The following CHN1 variants were observed in gnomAD, a reference collection of about 807,000 sequenced individuals.
The protein encoded by CHN1 is chimerin 1, also known as N-chimaerin.
In CHN1, 37 loss-of-function variants were observed where a neutral mutation model predicts 59.5. The ratio of observed to expected loss-of-function variants is 0.62; its 90% CI spans 0.48 to 0.82. CHN1 has a LOEUF of 0.82. Among genes scored for constraint, CHN1 ranks in the 40% least tolerant of loss-of-function variants. The pLI is 0.00. For synonymous variants in CHN1, 206 were observed against 200.4 expected, an observed-to-expected ratio of 1.03 and a Z score of -0.24; for missense variants, 469 against 571.0, an observed-to-expected ratio of 0.82 and a Z score of 1.82.
At chr2:174,805,759 A>G (rs1208661869) in intron 11 of CHN1, among the ~76,000 whole-genome samples, 1 of 152,208 alleles carries the variant, frequency 6.6e-6, no homozygotes, top group Non-Finnish European at 1.5e-5. Flanking sequence ...ACACAGAGAA[A>G]CTTGAATACA....
At position 174,799,086 on chromosome 2, in the gene CHN1, G is replaced by A. The variant is rs1165470410; in HGVS notation, c.*1030C>T. On this transcript the variant is annotated 3_prime_UTR_variant, in exon 13 of 13. Coordinates refer to ENST00000409900, the MANE Select transcript of CHN1 (RefSeq NM_001822.7). ...GTCATATATTTTTGACAAATCAAAT[G>A]TTTAGAAGAAGTTACTCTTTTTAGT... Among the ~76,000 whole-genome samples, 8 of 152,224 alleles carry A rather than the reference G, an allele frequency of 5.3e-5. No individual in the cohort carries two copies. The highest frequency in any genetic ancestry group is 8.8e-5 in the Non-Finnish European group (6 of 68,036).
intron 3 of CHN1, among the ~76,000 whole-genome samples, chr2:174,943,907 T>C (rs1187521022): frequency 6.6e-6 from 1 of 152,206 alleles, no homozygotes; most frequent in Non-Finnish European, 1.5e-5. Context: ...TCTTCTCACC[T>C]GTGCCTAGCT....
At chr2:174,946,247 CAATG>C (rs1454659536) in intron 2 of CHN1, among the ~76,000 whole-genome samples, 3 of 152,038 alleles carry the variant, frequency 2.0e-5, no homozygotes, top group African/African-American at 7.2e-5. Flanking sequence ...AGTAAATGCT[CAATG>C]AAGACTACTT....
chr2:174,812,231 A>G lies in CHN1; in HGVS notation c.886+78T>C, dbSNP rs557572824. 40 of 1,256,148 alleles carry G rather than the reference A, an allele frequency of 3.2e-5. No individual in the cohort carries two copies. In the South Asian group the frequency reaches 5.9e-4, roughly 18 times the overall value. 77.8% of individuals were successfully genotyped at this position (1,256,148 alleles called of 1,614,324 possible). A position where few individuals can be genotyped will look rare whatever the true frequency, so the allele number is the denominator to read the frequency against. ...TTACAGAAGACAACCGTATTGTGCA[A>G]TGAGGTACCCAAAAGGCATCAGGAT... is the stretch of plus-strand genomic sequence containing the variant. On this transcript the variant is annotated intron_variant, in intron 9 of 12. Coordinates refer to ENST00000409900, the MANE Select transcript of CHN1 (RefSeq NM_001822.7).
chr2:174,924,132 CCTTT>C (rs1381643202), intron 3 of CHN1, among the ~76,000 whole-genome samples: 1 of 152,144 alleles, frequency 6.6e-6, no homozygotes, highest in Non-Finnish European at 1.5e-5. Context: ...CTGTACTCCT[CCTTT>C]CTGTCTAAAA....
chr2:174,918,501 T>G, intron 4 of CHN1, 33 bp downstream of exon 4: 1 of 1,527,874 alleles, frequency 6.5e-7, no homozygotes, highest in Non-Finnish European at 8.9e-7. Flanking sequence ...CATATGCCAA[T>G]CTATAAAACG....
intron 6 of CHN1, among the ~76,000 whole-genome samples, chr2:174,875,075 T>C (rs1478977470): frequency 6.6e-6 from 1 of 151,956 alleles, no homozygotes; most frequent in Non-Finnish European, 1.5e-5. Context: ...GGTTTCACCA[T>C]GTTGGCCAGG....
chr2:174,913,487 C>T (rs941969743), intron 5 of CHN1, among the ~76,000 whole-genome samples: 1 of 152,064 alleles, frequency 6.6e-6, no homozygotes, highest in Non-Finnish European at 1.5e-5. Flanking sequence ...TCTTCTAATT[C>T]AATTAATGGT....
rs1291391513 is a variant in CHN1, at chr2:175,005,198, G to T, written c.-286C>A. 8.1e-7 allele frequency: 1 copy of T among 1,235,546 alleles called. No homozygotes were observed. 76.5% of individuals were successfully genotyped at this position (1,235,546 alleles called of 1,614,324 possible). A position where few individuals can be genotyped will look rare whatever the true frequency, so the allele number is the denominator to read the frequency against. On this transcript the variant is annotated 5_prime_UTR_variant, in exon 1 of 13. Coordinates refer to ENST00000409900, the MANE Select transcript of CHN1 (RefSeq NM_001822.7). ...TCAGGCGCGGAGCGTGCGCGCGGGA[G>T]GAGGTACCTGCGAGGCAGGAGGCTT...
intron 7 of CHN1, among the ~76,000 whole-genome samples, chr2:174,830,955 GA>G (rs1685860124): frequency 1.3e-5 from 2 of 152,144 alleles, no homozygotes; most frequent in Non-Finnish European, 2.9e-5. Flanking sequence ...TCAAAATTGA[GA>G]GAAATACCAT....
chr2:174,900,544 G>A (rs1398391338), intron 5 of CHN1, among the ~76,000 whole-genome samples: 5 of 152,258 alleles, frequency 3.3e-5, no homozygotes, highest in South Asian at 2.1e-4. Flanking sequence ...AGTGGCTCAC[G>A]CCTGTAATCC....
chr2:174,824,388 T>C lies in CHN1; in HGVS notation c.712+46A>G, dbSNP rs779195626. Reference sequence around the variant, plus strand: ...AAGTCTCCTTCTACCTCACCTCTTATAACTTCACAACTGACTCAATCCAGA... The same window carrying C: ...AAGTCTCCTTCTACCTCACCTCTTACAACTTCACAACTGACTCAATCCAGA... On this transcript the variant is annotated intron_variant, in intron 8 of 12. Coordinates refer to ENST00000409900, the MANE Select transcript of CHN1 (RefSeq NM_001822.7). 7 of 1,448,996 alleles carry C rather than the reference T, an allele frequency of 4.8e-6. No homozygotes were observed. In the African/African-American group the frequency reaches 9.9e-5, roughly 20 times the overall value. The allele number at this position is 1,448,996 out of a possible 1,614,324, so 89.8% of individuals were successfully genotyped here.
intron 7 of CHN1, among the ~76,000 whole-genome samples, chr2:174,834,785 T>C (rs1214910601): frequency 6.6e-6 from 1 of 152,232 alleles, no homozygotes; most frequent in East Asian, 1.9e-4. Flanking sequence ...ACAGAGAAGA[T>C]AGTAGTATAA....
chr2:174,906,867 A>G (rs1272554657), intron 5 of CHN1, among the ~76,000 whole-genome samples: 2 of 152,170 alleles, frequency 1.3e-5, no homozygotes, highest in Non-Finnish European at 2.9e-5. Context: ...CAGTCATTTT[A>G]GGTTCATTGA....
intron 12 of CHN1, among the ~76,000 whole-genome samples, chr2:174,800,675 G>C (rs2105369586): frequency 6.6e-6 from 1 of 152,294 alleles, no homozygotes; most frequent in Non-Finnish European, 1.5e-5. Flanking sequence ...CTTTGCTATG[G>C]AGTAGTTTTG....
intron 1 of CHN1, among the ~76,000 whole-genome samples, chr2:174,953,701 A>C (rs980938013): frequency 1.3e-5 from 2 of 152,134 alleles, no homozygotes; most frequent in African/African-American, 2.4e-5. Flanking sequence ...AAACAAAAAC[A>C]AAAACCAAAA....
chr2:174,938,599 G>A (rs570363442), intron 3 of CHN1, among the ~76,000 whole-genome samples: 1 of 152,200 alleles, frequency 6.6e-6, no homozygotes, highest in African/African-American at 2.4e-5. Context: ...GTCAAATATA[G>A]AAACAAATTA....
intron 1 of CHN1, among the ~76,000 whole-genome samples, chr2:174,973,672 C>G (rs1690831335): frequency 1.3e-5 from 2 of 152,162 alleles, no homozygotes; most frequent in East Asian, 3.9e-4. Context: ...GGACCCACCC[C>G]ACTTTGTGCT....
At chr2:174,896,336 C>A (rs775152954) in intron 5 of CHN1, among the ~76,000 whole-genome samples, 2 of 152,120 alleles carry the variant, frequency 1.3e-5, no homozygotes, top group African/African-American at 2.4e-5. Context: ...CCTCCCTCTT[C>A]TTAATCAAGT....
Sources: allele counts gnomAD v4.1 joint callset (sites outside exome capture counted in the v4.1 genomes callset), GRCh38; gene constraint gnomAD v4.1.1; transcripts MANE v1.5; gene names NCBI Gene and HGNC (gene_info 2026-07-23, HGNC 2026-07-21).